NRXN3: variants seen among roughly 807,000 people sequenced by gnomAD.
The protein encoded by NRXN3 is neurexin 3.
A neutral mutation model predicts 137.6 loss-of-function variants in NRXN3; 32 were observed. That is an observed-to-expected ratio of 0.23 (90% CI 0.18 to 0.31). The LOEUF (loss-of-function observed/expected upper bound fraction) is 0.31, where lower values mean the gene tolerates loss of function less well. Ranked by LOEUF, NRXN3 falls within the 10% of genes least tolerant of loss-of-function variation. The pLI is 1.00. For synonymous variants in NRXN3, 798 were observed against 784.5 expected, an observed-to-expected ratio of 1.02 and a Z score of -0.29; for missense variants, 1,574 against 2,062.5, an observed-to-expected ratio of 0.76 and a Z score of 4.59.
intron 4 of NRXN3, among the ~76,000 whole-genome samples, chr14:78,474,041 A>G (rs2095333724): frequency 6.6e-6 from 1 of 152,174 alleles, no homozygotes; most frequent in Non-Finnish European, 1.5e-5. Flanking sequence ...AAGGGCATGA[A>G]TATCAGGAAG....
chr14:78,701,786 A>T (rs1257740781), intron 6 of NRXN3, among the ~76,000 whole-genome samples: 3 of 152,154 alleles, frequency 2.0e-5, no homozygotes, highest in African/African-American at 7.2e-5. Context: ...TTTTATTTTG[A>T]GCTCTAGAAC....
chr14:79,595,230 G>A (rs1461770857), intron 16 of NRXN3, among the ~76,000 whole-genome samples: 1 of 152,130 alleles, frequency 6.6e-6, no homozygotes. Context: ...CAACCTACCT[G>A]CAGCACTTGC....
rs574364607 is a variant in NRXN3, at chr14:78,465,016, A to T, written c.757+167156A>T. ...TGTTTGGATAGAATGCCTACTATTC[A>T]TTTTTTCATTCATTTGTTTATTTCA... On this transcript the variant is annotated intron_variant, in intron 4 of 20. Coordinates refer to ENST00000335750, the MANE Select transcript of NRXN3 (RefSeq NM_001330195.2). 3.3e-5 allele frequency among the ~76,000 whole-genome samples: 5 copies of T among 152,148 alleles called. No individual in the cohort carries two copies. In the East Asian group the frequency reaches 5.8e-4, roughly 18 times the overall value.
intron 17 of NRXN3, among the ~76,000 whole-genome samples, chr14:79,670,559 A>G (rs1264455906): frequency 6.6e-6 from 1 of 152,132 alleles, no homozygotes; most frequent in African/African-American, 2.4e-5. Context: ...TCACAAAAAA[A>G]GAAAGTACTG....
At chr14:79,437,487 C>T (rs1258020011) in intron 15 of NRXN3, among the ~76,000 whole-genome samples, 2 of 151,822 alleles carry the variant, frequency 1.3e-5, no homozygotes, top group African/African-American at 2.4e-5. Flanking sequence ...TCTTAAAAAT[C>T]GAATTTGCAT....
At chr14:79,390,902 G>A (rs375329599) in intron 15 of NRXN3, among the ~76,000 whole-genome samples, 1 of 152,172 alleles carries the variant, frequency 6.6e-6, no homozygotes, top group Non-Finnish European at 1.5e-5. Flanking sequence ...TATCACAGGA[G>A]TGGGTTAGTT....
intron 15 of NRXN3, among the ~76,000 whole-genome samples, chr14:79,040,950 C>T (rs932001930): frequency 6.6e-6 from 1 of 152,090 alleles, no homozygotes; most frequent in Non-Finnish European, 1.5e-5. Flanking sequence ...CCTAGTTAGG[C>T]AAGTCCCATT....
chr14:79,720,494 A>G (rs966262727), intron 19 of NRXN3, among the ~76,000 whole-genome samples: 1 of 152,092 alleles, frequency 6.6e-6, no homozygotes. Flanking sequence ...TGCACAGCAG[A>G]GAGTTTAAGG....
chr14:79,782,145 G>T (rs1435412387), intron 19 of NRXN3, among the ~76,000 whole-genome samples: 2 of 152,152 alleles, frequency 1.3e-5, no homozygotes, highest in Non-Finnish European at 2.9e-5. Context: ...TTTCCTAGAA[G>T]GATGCATTTT....
intron 4 of NRXN3, among the ~76,000 whole-genome samples, chr14:78,372,811 C>G (rs2087111068): frequency 6.6e-6 from 1 of 152,160 alleles, no homozygotes; most frequent in South Asian, 2.1e-4. Context: ...TCATTTCTAA[C>G]TTTTCTTTCA....
chr14:79,735,406 G>A (rs1179648875), intron 19 of NRXN3, among the ~76,000 whole-genome samples: 1 of 152,154 alleles, frequency 6.6e-6, no homozygotes, highest in Middle Eastern at 3.2e-3. Context: ...CATGGTTGAA[G>A]AGAAGCATCC....
At chr14:79,577,592 A>G (rs2097677079) in intron 16 of NRXN3, among the ~76,000 whole-genome samples, 1 of 152,226 alleles carries the variant, frequency 6.6e-6, no homozygotes, top group Non-Finnish European at 1.5e-5. Flanking sequence ...CACTTTGTAC[A>G]TACTTTTACA....
intron 10 of NRXN3, among the ~76,000 whole-genome samples, chr14:78,927,016 G>A (rs1267558233): frequency 9.2e-6 from 1 of 108,998 alleles, no homozygotes; most frequent in African/African-American, 3.4e-5. Context: ...TATGCCAAAT[G>A]TGGTGATGCA....
chr14:78,530,111 A>G (rs957044779), intron 4 of NRXN3, among the ~76,000 whole-genome samples: 59 of 152,322 alleles, frequency 3.9e-4, no homozygotes, highest in African/African-American at 1.4e-3. Flanking sequence ...TTGGCTAATC[A>G]GAGAGATAAA....
intron 15 of NRXN3, among the ~76,000 whole-genome samples, chr14:79,432,138 G>A (rs1277997411): frequency 1.3e-5 from 2 of 150,650 alleles, no homozygotes; most frequent in Non-Finnish European, 3.0e-5. Context: ...TTTTAGTTTT[G>A]CAGATAGCAC....
intron 4 of NRXN3, among the ~76,000 whole-genome samples, chr14:78,632,450 G>A (rs1392640868): frequency 1.8e-4 from 28 of 152,066 alleles, no homozygotes; most frequent in Admixed American, 1.8e-3. Flanking sequence ...GTCTCCCACA[G>A]GCATATTATT....
chr14:78,848,667 A>G (rs1036846815), intron 10 of NRXN3, among the ~76,000 whole-genome samples: 1 of 152,316 alleles, frequency 6.6e-6, no homozygotes, highest in East Asian at 1.9e-4. Flanking sequence ...AACACTTCTT[A>G]AACTGCAGCA....
At chr14:78,476,443 G>A (rs1278480137) in intron 4 of NRXN3, among the ~76,000 whole-genome samples, 2 of 152,330 alleles carry the variant, frequency 1.3e-5, no homozygotes, top group African/African-American at 2.4e-5. Context: ...CACGGGTGAA[G>A]GCCCTGGACC....
At chr14:79,467,469 A>G in intron 16 of NRXN3, 67 bp downstream of exon 16, 1 of 1,388,302 alleles carries the variant, frequency 7.2e-7, no homozygotes, top group Non-Finnish European at 9.9e-7. Flanking sequence ...ATTCAGGTAG[A>G]CGCAGCAGAA....
Sources: allele counts gnomAD v4.1 joint callset (sites outside exome capture counted in the v4.1 genomes callset), GRCh38; gene constraint gnomAD v4.1.1; transcripts MANE v1.5; gene names NCBI Gene and HGNC (gene_info 2026-07-23, HGNC 2026-07-21).